The following WWTR1 variants were observed in gnomAD, a reference collection of about 807,000 sequenced individuals.
WWTR1 encodes the protein WW domain-containing transcription regulator protein 1.
In WWTR1, 13 loss-of-function variants were observed where a neutral mutation model predicts 40.1. The ratio of observed to expected loss-of-function variants is 0.32; its 90% CI spans 0.21 to 0.52. WWTR1 has a LOEUF of 0.52. WWTR1 is among the 20% of genes least tolerant of loss of function. WWTR1 has a pLI of 0.97. For missense variants in WWTR1, 436 were observed against 523.1 expected (o/e 0.83, Z 1.63); for synonymous variants, 230 against 210.1 (o/e 1.09, Z -0.82).
At position 149,630,476 on chromosome 3, in the gene WWTR1, T is replaced by C. The variant is rs534224506; in HGVS notation, c.431+26400A>G. On this transcript the variant is annotated intron_variant, in intron 2 of 6. Coordinates refer to ENST00000360632, the MANE Select transcript of WWTR1 (RefSeq NM_015472.6). Reference sequence around the variant, plus strand: ...CTAGCTGGCCACCTCATAGACAGGATATGGCTCTATTTGGGACAGATAATC... The same window carrying C: ...CTAGCTGGCCACCTCATAGACAGGACATGGCTCTATTTGGGACAGATAATC... Among the ~76,000 whole-genome samples the C allele has an allele frequency of 5.3e-5, 8 of 152,268 alleles. No individual in the cohort carries two copies. The South Asian group carries it at 1.7e-3, about 32-fold the overall frequency.
chr3:149,606,263 A>G (rs1320965194), intron 2 of WWTR1, among the ~76,000 whole-genome samples: 1 of 152,184 alleles, frequency 6.6e-6, no homozygotes, highest in Non-Finnish European at 1.5e-5. Flanking sequence ...CATACTAATT[A>G]TTTCATGCAT....
At chr3:149,649,193 T>C (rs9839200) in intron 2 of WWTR1, 10,443 of 152,256 alleles carry the variant, frequency 0.069, 559 homozygotes, top group East Asian at 0.25. Context: ...GGTTTCTCCA[T>C]GTTGGTCAGG....
chr3:149,680,671 A>ATG (rs1714431424), intron 1 of WWTR1, among the ~76,000 whole-genome samples: 1 of 151,170 alleles, frequency 6.6e-6, no homozygotes, highest in Non-Finnish European at 1.5e-5. Context: ...CCATTTCTAA[A>ATG]AAAAAAAAAA....
chr3:149,710,577 C>CG (rs1715451131), intron 5 of WWTR1, among the ~76,000 whole-genome samples: 1 of 82,568 alleles, frequency 1.2e-5, no homozygotes, highest in Admixed American at 1.2e-4. Context: ...GCCTCCCCCC[C>CG]CCCCCTTTTT....
At chr3:149,605,310 A>G (rs1385185195) in intron 2 of WWTR1, among the ~76,000 whole-genome samples, 4 of 152,132 alleles carry the variant, frequency 2.6e-5, no homozygotes, top group Non-Finnish European at 5.9e-5. Context: ...CAGGTAGGAG[A>G]CCAGTTAGAA....
At chr3:149,617,065 T>C (rs1740009027) in intron 2 of WWTR1, among the ~76,000 whole-genome samples, 1 of 152,224 alleles carries the variant, frequency 6.6e-6, no homozygotes. Context: ...ATATTAAGTT[T>C]ATGTGCCATT....
intron 4 of WWTR1, among the ~76,000 whole-genome samples, chr3:149,530,043 CAT>C (rs1735493607): frequency 6.6e-6 from 1 of 152,062 alleles, no homozygotes; most frequent in South Asian, 2.1e-4. Flanking sequence ...ACTTTATCAA[CAT>C]ATGTCTTAAG....
chr3:149,628,551 T>G (rs1576608036), intron 2 of WWTR1, among the ~76,000 whole-genome samples: 1 of 152,282 alleles, frequency 6.6e-6, no homozygotes, highest in Middle Eastern at 3.4e-3. Flanking sequence ...GCCCCAGCAG[T>G]ATCTTTTTCG....
intron 3 of WWTR1, among the ~76,000 whole-genome samples, chr3:149,546,001 A>T (rs1308026624): frequency 6.6e-6 from 1 of 152,224 alleles, no homozygotes; most frequent in Non-Finnish European, 1.5e-5. Context: ...TGAAAGCCAC[A>T]TAGCAACCAG....
intron 1 of WWTR1, among the ~76,000 whole-genome samples, chr3:149,678,070 C>T (rs1051677424): frequency 2.0e-5 from 3 of 152,106 alleles, no homozygotes; most frequent in African/African-American, 7.2e-5. Context: ...CACACCCAGC[C>T]AGTTGATGTT....
intron 1 of WWTR1, among the ~76,000 whole-genome samples, chr3:149,677,151 G>T (rs1714291740): frequency 1.3e-5 from 2 of 151,898 alleles, no homozygotes; most frequent in Non-Finnish European, 2.9e-5. Context: ...CCTTACCTCA[G>T]GTCATCCGCC....
At chr3:149,541,115 A>C (rs1452704594) in intron 4 of WWTR1, 1 of 448,336 alleles carries the variant, frequency 2.2e-6, no homozygotes, top group Non-Finnish European at 4.5e-6. Flanking sequence ...TTATTCATGT[A>C]TCTTGCTTCA....
intron 2 of WWTR1, among the ~76,000 whole-genome samples, chr3:149,627,951 T>C (rs967786380): frequency 6.6e-6 from 1 of 151,698 alleles, no homozygotes; most frequent in Non-Finnish European, 1.5e-5. Context: ...CACATGTCTG[T>C]AATCCCAGCT....
chr3:149,683,916 G>A (rs1439336265), intron 1 of WWTR1, among the ~76,000 whole-genome samples: 5 of 151,974 alleles, frequency 3.3e-5, no homozygotes, highest in African/African-American at 9.7e-5. Context: ...AGCCATTGAC[G>A]ACCTCCTCAA....
intron 4 of WWTR1, 139 bp downstream of exon 4, chr3:149,542,196 C>T: frequency 1.0e-6 from 1 of 1,003,184 alleles, no homozygotes; most frequent in Non-Finnish European, 1.4e-6. Context: ...GGATTTTAAT[C>T]AAGAGGCTTG....
Position 149,564,770 on chromosome 3 carries a change from T to A in WWTR1, c.568+8094A>T, listed in dbSNP as rs150642381. Reference sequence around the variant, plus strand: ...GGAAAGAATCTAAGCAATGTGTTTTTCAAAAAAATAGAAGTATAATTATAG... The same window carrying A: ...GGAAAGAATCTAAGCAATGTGTTTTACAAAAAAATAGAAGTATAATTATAG... On this transcript the variant is annotated intron_variant, in intron 3 of 6. Transcript: ENST00000360632. Among the ~76,000 whole-genome samples, 916 of 152,244 alleles carry A rather than the reference T, an allele frequency of 6.0e-3. 7 individuals are homozygous for A. Among genetic ancestry groups the A allele is most frequent in the African/African-American group, 0.021 (855 of 41,562 alleles).
intron 2 of WWTR1, among the ~76,000 whole-genome samples, chr3:149,646,087 A>C (rs953714442): frequency 1.3e-5 from 2 of 152,252 alleles, no homozygotes; most frequent in Admixed American, 1.3e-4. Context: ...AATGATTATT[A>C]AGTTAATGAA....
At chr3:149,530,173 C>G (rs941614282) in intron 4 of WWTR1, among the ~76,000 whole-genome samples, 3 of 152,050 alleles carry the variant, frequency 2.0e-5, no homozygotes, top group Admixed American at 6.6e-5. Context: ...AGGTGAAACC[C>G]TGTCTCTACT....
intron 2 of WWTR1, among the ~76,000 whole-genome samples, chr3:149,651,891 G>A (rs796137644): frequency 7.5e-4 from 111 of 147,582 alleles, no homozygotes; most frequent in African/African-American, 2.8e-3. Flanking sequence ...GTGCAGTGGC[G>A]CGATCTCGGC....
Sources: gnomAD v4.1 joint callset for allele counts (sites outside exome capture counted in the v4.1 genomes callset) on GRCh38, gnomAD v4.1.1 for gene constraint, MANE v1.5 for transcripts, NCBI Gene and HGNC (gene_info 2026-07-23, HGNC 2026-07-21) for gene names.